Variants in PARD3B observed in about 807,000 individuals in gnomAD.
The protein encoded by PARD3B is partitioning defective 3 homolog B.
In PARD3B, 103 loss-of-function variants were observed where a neutral mutation model predicts 130.2. The observed-to-expected ratio is 0.79, with a 90% CI of 0.67 to 0.93. The LOEUF (loss-of-function observed/expected upper bound fraction) is 0.93. PARD3B is among the 40% of genes least tolerant of loss of function. The pLI is 0.00. For missense variants in PARD3B, 1,609 were observed against 1,499.2 expected (o/e 1.07, Z -1.21); for synonymous variants, 583 against 553.2 (o/e 1.05, Z -0.76).
At chr2:204,764,360 C>T (rs937821635) in intron 2 of PARD3B, among the ~76,000 whole-genome samples, 9 of 152,106 alleles carry the variant, frequency 5.9e-5, no homozygotes, top group African/African-American at 2.2e-4. Context: ...GTGAGCATGT[C>T]TGGGCAAATC....
intron 1 of PARD3B, among the ~76,000 whole-genome samples, chr2:204,660,587 A>G (rs569011589): frequency 6.6e-6 from 1 of 152,318 alleles, no homozygotes; most frequent in African/African-American, 2.4e-5. Flanking sequence ...TTAGTGGACC[A>G]GGCCAACATC....
chr2:205,097,241 T>G (rs1466047821), intron 4 of PARD3B, among the ~76,000 whole-genome samples: 1 of 152,142 alleles, frequency 6.6e-6, no homozygotes, highest in Non-Finnish European at 1.5e-5. Context: ...AGGTTTTTGT[T>G]GCTGTCATTA....
intron 20 of PARD3B, among the ~76,000 whole-genome samples, chr2:205,480,265 C>G (rs1484560183): frequency 2.6e-5 from 4 of 152,142 alleles, no homozygotes; most frequent in African/African-American, 9.7e-5. Context: ...GGCTTTGGCT[C>G]TAGCTGTTTT....
At chr2:205,368,557 A>G (rs930089734) in intron 18 of PARD3B, among the ~76,000 whole-genome samples, 2 of 152,086 alleles carry the variant, frequency 1.3e-5, no homozygotes, top group African/African-American at 4.8e-5. Context: ...GCTTGAACCC[A>G]GGAGGCAGCG....
At position 205,458,825 on chromosome 2, in the gene PARD3B, C is replaced by T. The variant is rs1378226955; in HGVS notation, c.3044+18153C>T. 6.6e-6 allele frequency among the ~76,000 whole-genome samples: 1 copy of T among 152,100 alleles called. No individual in the cohort carries two copies. The highest frequency in any genetic ancestry group is 1.9e-4 in the East Asian group (1 of 5,184). The stretch of plus-strand genomic sequence containing the variant: ...TGTAGAAATCTCAGGCTGATGATAC[C>T]TTTCTTCAGAGAAGATGTATTTAAT... On this transcript the variant is annotated intron_variant, in intron 20 of 22. Transcript: ENST00000406610. The surrounding 1 kb of genome is among the most constrained non-coding windows in gnomAD (Gnocchi z 4.8).
chr2:205,344,590 G>A (rs190959968), intron 18 of PARD3B, among the ~76,000 whole-genome samples: 33 of 152,180 alleles, frequency 2.2e-4, no homozygotes, highest in African/African-American at 7.7e-4. Flanking sequence ...CTTTTCTATG[G>A]GCATTCCCTA....
At chr2:204,601,854 A>C (rs1007134420) in intron 1 of PARD3B, among the ~76,000 whole-genome samples, 1 of 152,022 alleles carries the variant, frequency 6.6e-6, no homozygotes, top group Non-Finnish European at 1.5e-5. Context: ...TTCTTAAGGA[A>C]TTCTAGGCAT....
chr2:204,792,770 T>C (rs548186140), intron 2 of PARD3B, among the ~76,000 whole-genome samples: 1 of 152,334 alleles, frequency 6.6e-6, no homozygotes, highest in African/African-American at 2.4e-5. Flanking sequence ...TGGTTTCTAA[T>C]GCAGAGAGTT....
intron 20 of PARD3B, among the ~76,000 whole-genome samples, chr2:205,490,467 T>C (rs1219169706): frequency 1.3e-5 from 2 of 152,206 alleles, no homozygotes; most frequent in African/African-American, 4.8e-5. Context: ...GGCTGCATAG[T>C]ATTCTGTGGT....
At chr2:205,500,568 G>A (rs537817109) in intron 21 of PARD3B, among the ~76,000 whole-genome samples, 102 of 152,166 alleles carry the variant, frequency 6.7e-4, no homozygotes, top group African/African-American at 2.4e-3. Flanking sequence ...GAACAGAAAA[G>A]AATACAGTGA....
chr2:205,346,125 T>C (rs944454930), intron 18 of PARD3B, among the ~76,000 whole-genome samples: 81 of 146,984 alleles, frequency 5.5e-4, no homozygotes, highest in Non-Finnish European at 5.9e-4. Flanking sequence ...TGAGCCGAGA[T>C]CCCGCCACTG....
At position 205,326,952 on chromosome 2, in the gene PARD3B, C is replaced by T. The variant is rs11694060; in HGVS notation, c.2630+25251C>T. Among the ~76,000 whole-genome samples the T allele has an allele frequency of 5.1e-3, 778 of 152,218 alleles. 8 individuals are homozygous for T. Among genetic ancestry groups the T allele is most frequent in the Middle Eastern group, 0.017 (5 of 294 alleles). On this transcript the variant is annotated intron_variant, in intron 18 of 22. Coordinates refer to ENST00000406610, the MANE Select transcript of PARD3B (RefSeq NM_001302769.2). ...AGCCCTAAGCCCTAAGTGTTCTCTT[C>T]GGTGCTATTTATTACTAAAATATTT... is the stretch of plus-strand genomic sequence containing the variant.
At chr2:205,307,849 A>G (rs2042239533) in intron 18 of PARD3B, among the ~76,000 whole-genome samples, 1 of 152,152 alleles carries the variant, frequency 6.6e-6, no homozygotes, top group South Asian at 2.1e-4. Context: ...TAGGCCACTC[A>G]CTTCAAAAAC....
chr2:205,080,937 A>T (rs1240373069), intron 4 of PARD3B, among the ~76,000 whole-genome samples: 4 of 152,060 alleles, frequency 2.6e-5, no homozygotes. Flanking sequence ...ACTTATATAG[A>T]TAGGTCTCTT....
rs1436928177 is a variant in PARD3B at position 204,756,443 on chromosome 2, G to A, written c.222+70161G>A. Among the ~76,000 whole-genome samples, 3 of 152,138 alleles carry A rather than the reference G, an allele frequency of 2.0e-5. No individual in the cohort carries two copies. In the East Asian group the frequency reaches 5.8e-4, roughly 29 times the overall value. Reference sequence around the variant, plus strand: ...GAGTTATATTTTTTCTCCATTATTTGATTTTCTTTATTTGAATAAATAAAT... The same window carrying A: ...GAGTTATATTTTTTCTCCATTATTTAATTTTCTTTATTTGAATAAATAAAT... On this transcript the variant is annotated intron_variant, in intron 2 of 22. Transcript: ENST00000406610.
chr2:205,464,514 G>C (rs1051163187), intron 20 of PARD3B, among the ~76,000 whole-genome samples: 68 of 152,278 alleles, frequency 4.5e-4, no homozygotes, highest in African/African-American at 1.5e-3. Flanking sequence ...CAGCCAGAGA[G>C]GGGGGTTAGG....
At position 204,967,706 on chromosome 2, in the gene PARD3B, T is replaced by C. The variant is rs530938630; in HGVS notation, c.394+2383T>C. ...TTGTCAGGTTTTTCAGATAGCGAAGTTAAAGAAGGAAGCAACACAGCCAGC... is the reference window on the plus strand; with the variant it reads ...TTGTCAGGTTTTTCAGATAGCGAAGCTAAAGAAGGAAGCAACACAGCCAGC... On this transcript the variant is annotated intron_variant, in intron 3 of 22. Coordinates refer to ENST00000406610, the MANE Select transcript of PARD3B (RefSeq NM_001302769.2). This position sits in a 1 kb window ranked among gnomAD's most constrained non-coding sequence, Gnocchi z 4.4. Among the ~76,000 whole-genome samples the C allele has an allele frequency of 6.6e-6, 1 of 152,226 alleles. No individual in the cohort carries two copies. The highest frequency in any genetic ancestry group is 1.9e-4 in the East Asian group (1 of 5,182).
At chr2:204,954,726 C>T (rs951113135) in intron 2 of PARD3B, among the ~76,000 whole-genome samples, 9 of 152,158 alleles carry the variant, frequency 5.9e-5, no homozygotes, top group Non-Finnish European at 8.8e-5. Context: ...GCACCTGCTC[C>T]GGCCAGCACT....
chr2:204,803,771 G>T (rs543748285), intron 2 of PARD3B, among the ~76,000 whole-genome samples: 1 of 151,982 alleles, frequency 6.6e-6, no homozygotes, highest in Non-Finnish European at 1.5e-5. Context: ...TCACTAAAAC[G>T]AAGACAGGAA....
Sources: gnomAD v4.1 joint callset for allele counts (sites outside exome capture counted in the v4.1 genomes callset) on GRCh38, gnomAD v4.1.1 for gene constraint, Gnocchi (gnomAD v3.1) non-coding constraint, MANE v1.5 for transcripts, NCBI Gene and HGNC (gene_info 2026-07-23, HGNC 2026-07-21) for gene names.